KLHL28: variants seen among roughly 807,000 people sequenced by gnomAD.
The protein encoded by KLHL28 is kelch like family member 28, also known as kelch-like protein 28.
A neutral mutation model predicts 48.3 loss-of-function variants in KLHL28; 22 were observed. The observed-to-expected ratio is 0.46, with a 90% CI of 0.33 to 0.65. The LOEUF (loss-of-function observed/expected upper bound fraction) is 0.65. Ranked by LOEUF, KLHL28 falls within the 30% of genes least tolerant of loss-of-function variation. The pLI is 0.03. For synonymous variants in KLHL28, 243 were observed against 242.4 expected, an observed-to-expected ratio of 1.00 and a Z score of -0.02; for missense variants, 527 against 704.3, an observed-to-expected ratio of 0.75 and a Z score of 2.85.
At chr14:44,938,092 T>A (rs947774452) in intron 2 of KLHL28, among the ~76,000 whole-genome samples, 1 of 152,060 alleles carries the variant, frequency 6.6e-6, no homozygotes, top group Non-Finnish European at 1.5e-5. Context: ...ATTAATTCCA[T>A]CCCAATAGCC....
At chr14:44,946,535 C>G (rs1168240039) in intron 1 of KLHL28, among the ~76,000 whole-genome samples, 1 of 150,166 alleles carries the variant, frequency 6.7e-6, no homozygotes, top group South Asian at 2.1e-4. Context: ...TCTATATATA[C>G]CATACCCACT....
rs1267375742 is a variant in KLHL28, at chr14:44,925,721, A to G, written c.*3307T>C. 1 of 152,150 alleles carries G rather than the reference A, an allele frequency of 6.6e-6. No homozygotes were observed. Among genetic ancestry groups the G allele is most frequent in the Non-Finnish European group, 1.5e-5 (1 of 67,974 alleles). 9.4% of individuals were successfully genotyped at this position (152,150 alleles called of 1,614,324 possible). ...TTTCAAAACCTAATGCCATTTTCCT[A>G]TCACTTGATACCACTTCCTATAATT... On this transcript the variant is annotated 3_prime_UTR_variant, in exon 5 of 5. Coordinates refer to ENST00000396128, the MANE Select transcript of KLHL28 (RefSeq NM_017658.5).
At position 44,925,495 on chromosome 14, in the gene KLHL28, CT is replaced by C. The variant is rs1186530021; in HGVS notation, c.*3532del. The stretch of plus-strand genomic sequence containing the variant: ...CACTAAGGAATTGCTTATGCATAAA[CT>C]AGGTCTCTAATCACTTCTTACGATG... On this transcript the variant is annotated 3_prime_UTR_variant, in exon 5 of 5. Transcript: ENST00000396128. 1 of 151,970 alleles carries C rather than the reference CT, an allele frequency of 6.6e-6. No individual in the cohort carries two copies. The allele number at this position is 151,970 out of a possible 1,614,324, so 9.4% of individuals were successfully genotyped here. A position where few individuals can be genotyped will look rare whatever the true frequency, so the allele number is the denominator to read the frequency against.
intron 4 of KLHL28, 107 bp downstream of exon 4, chr14:44,931,226 T>TTG: frequency 1.8e-6 from 1 of 564,796 alleles, no homozygotes; most frequent in Non-Finnish European, 2.9e-6. Flanking sequence ...TTTTTTTTTC[T>TTG]GGACAAGTAA....
At position 44,924,430 on chromosome 14, in the gene KLHL28, AAG is replaced by A. The variant is rs1427423315; in HGVS notation, c.*4596_*4597del. The A allele has an allele frequency of 6.6e-6, 1 of 152,648 alleles. No homozygotes were observed. The highest frequency in any genetic ancestry group is 1.5e-5 in the Non-Finnish European group (1 of 68,038). 9.5% of individuals were successfully genotyped at this position (152,648 alleles called of 1,614,324 possible). Reference sequence around the variant, plus strand: ...CACACAAATAACCTTTAAAATAAAAAAGAATACAATTCTTAACTAGTTAAATG... The same window carrying A: ...CACACAAATAACCTTTAAAATAAAAAAATACAATTCTTAACTAGTTAAATG... On this transcript the variant is annotated 3_prime_UTR_variant, in exon 5 of 5. Transcript: ENST00000396128.
intron 1 of KLHL28, among the ~76,000 whole-genome samples, chr14:44,948,324 T>G (rs1030669472): frequency 1.3e-5 from 2 of 152,132 alleles, no homozygotes; most frequent in Non-Finnish European, 2.9e-5. Flanking sequence ...TAAGTGATAT[T>G]GTACTACAGT....
intron 1 of KLHL28, among the ~76,000 whole-genome samples, chr14:44,959,845 ACTCT>A (rs911546002): frequency 1.3e-5 from 2 of 152,082 alleles, no homozygotes; most frequent in African/African-American, 2.4e-5. Flanking sequence ...ACAAATTTGT[ACTCT>A]CTCTATATAT....
At chr14:44,931,607 C>A in intron 3 of KLHL28, 66 bp from the exon 4 acceptor site, 1 of 1,153,630 alleles carries the variant, frequency 8.7e-7, no homozygotes, top group Non-Finnish European at 1.3e-6. Flanking sequence ...CAAAGCAAAA[C>A]TAAAACCCAC....
chr14:44,948,565 G>T (rs1016869745), intron 1 of KLHL28, among the ~76,000 whole-genome samples: 2 of 152,032 alleles, frequency 1.3e-5, no homozygotes, highest in African/African-American at 2.4e-5. Context: ...AAAGTATAAA[G>T]TTCTACAAAA....
intron 2 of KLHL28, among the ~76,000 whole-genome samples, chr14:44,935,876 ATATATATATGTGTG>A (rs1047035193): frequency 1.1e-4 from 13 of 114,694 alleles, no homozygotes; most frequent in Admixed American, 4.4e-4. Context: ...ATGTGTATGT[ATATATATATGTGTG>A]TATATATATA....
chr14:44,943,717 C>CTT (rs112454594), intron 2 of KLHL28, among the ~76,000 whole-genome samples: 14,012 of 141,250 alleles, frequency 0.099, 946 homozygotes, highest in African/African-American at 0.19. Context: ...TATTATCGGA[C>CTT]TTTTTTTTTT....
chr14:44,930,754 T>C (rs1883551447), intron 4 of KLHL28, among the ~76,000 whole-genome samples: 1 of 152,228 alleles, frequency 6.6e-6, no homozygotes, highest in African/African-American at 2.4e-5. Context: ...ATTCAATCTG[T>C]ATGAGGAGTG....
intron 2 of KLHL28, among the ~76,000 whole-genome samples, chr14:44,935,914 C>T (rs569376456): frequency 6.1e-3 from 124 of 20,290 alleles, no homozygotes; most frequent in Non-Finnish European, 0.021. Flanking sequence ...CTTTACCCTC[C>T]CCCCGCAAAG....
chr14:44,935,614 C>A (rs944715106), intron 2 of KLHL28, among the ~76,000 whole-genome samples: 2 of 151,412 alleles, frequency 1.3e-5, no homozygotes, highest in Non-Finnish European at 2.9e-5. Flanking sequence ...TATATTAAAA[C>A]GTGTAAAACC....
At chr14:44,958,169 T>C (rs1330179271) in intron 1 of KLHL28, among the ~76,000 whole-genome samples, 1 of 151,462 alleles carries the variant, frequency 6.6e-6, no homozygotes, top group Non-Finnish European at 1.5e-5. Context: ...CCATTTGAAA[T>C]TAAAATTAAA....
In KLHL28 at chr14:44,924,783, C is replaced by T. The variant is rs1883324801; in HGVS notation, c.*4245G>A. ...TATTTAAAAATAAATGGGACTTACA[C>T]ATAACTTGACAAAATTAACAATAAG... is the stretch of plus-strand genomic sequence containing the variant. On this transcript the variant is annotated 3_prime_UTR_variant, in exon 5 of 5. Transcript: ENST00000396128. 6.6e-6 allele frequency: 1 copy of T among 152,542 alleles called. No homozygotes were observed. The highest frequency in any genetic ancestry group is 6.6e-5 in the Admixed American group (1 of 15,262). The allele number at this position is 152,542 out of a possible 1,614,324, so 9.4% of individuals were successfully genotyped here.
In KLHL28 at chr14:44,936,716, G is replaced by A. The variant is rs995610877; in HGVS notation, c.900-2158C>T. Among the ~76,000 whole-genome samples the A allele has an allele frequency of 2.6e-5, 4 of 152,306 alleles. No individual in the cohort carries two copies. The South Asian group carries it at 8.3e-4, about 32-fold the overall frequency. On this transcript the variant is annotated intron_variant, in intron 2 of 4. Coordinates refer to ENST00000396128, the MANE Select transcript of KLHL28 (RefSeq NM_017658.5). Reference sequence around the variant, plus strand: ...CTGCTCAGATGTAGCCATGGCCTAAGTGGAGAATTGAATTTAACTAGATGA... The same window carrying A: ...CTGCTCAGATGTAGCCATGGCCTAAATGGAGAATTGAATTTAACTAGATGA...
intron 1 of KLHL28, among the ~76,000 whole-genome samples, chr14:44,950,519 G>A (rs1297044607): frequency 6.6e-6 from 1 of 152,124 alleles, no homozygotes; most frequent in Non-Finnish European, 1.5e-5. Flanking sequence ...ACATAGGTCT[G>A]TAAATACACA....
chr14:44,958,261 C>G (rs1359094890), intron 1 of KLHL28, among the ~76,000 whole-genome samples: 1 of 151,758 alleles, frequency 6.6e-6, no homozygotes, highest in Non-Finnish European at 1.5e-5. Context: ...AGTTTTGTAC[C>G]TATCTACTTA....
Sources: allele counts gnomAD v4.1 joint callset (sites outside exome capture counted in the v4.1 genomes callset), GRCh38; gene constraint gnomAD v4.1.1; transcripts MANE v1.5; gene names NCBI Gene and HGNC (gene_info 2026-07-23, HGNC 2026-07-21).